Variants in CFAP54 observed in about 807,000 individuals in gnomAD.
The protein encoded by CFAP54 is cilia and flagella associated protein 54, also known as cilia- and flagella-associated protein 54.
A neutral mutation model predicts 370.4 loss-of-function variants in CFAP54; 290 were observed. The observed-to-expected ratio is 0.78, with a 90% CI of 0.71 to 0.86. The LOEUF is 0.86. Ranked by LOEUF, CFAP54 falls within the 40% of genes least tolerant of loss-of-function variation. CFAP54 has a pLI of 0.00. For synonymous variants in CFAP54, 1,206 were observed against 1,236.5 expected, an observed-to-expected ratio of 0.98 and a Z score of 0.52; for missense variants, 3,399 against 3,528.7, an observed-to-expected ratio of 0.96 and a Z score of 0.93.
rs10537908 is a variant in CFAP54 at position 96,863,153 on chromosome 12, TTGGATGGATGGA to T, written c.*14+2235_*14+2246del. ...TACCTGGCACATAGGTCTATATTTG[TTGGATGGATGGA>T]TGGATGGATGGATGGATGGATGGAT... On this transcript the variant is annotated intron_variant, in intron 67 of 67. Coordinates refer to ENST00000524981, the MANE Select transcript of CFAP54 (RefSeq NM_001306084.2). Among the ~76,000 whole-genome samples, 87 of 148,244 alleles carry T rather than the reference TTGGATGGATGGA, an allele frequency of 5.9e-4. 1 individual carries two copies. The highest frequency in any genetic ancestry group is 8.1e-4 in the East Asian group (4 of 4,950).
chr12:96,509,919 G>A (rs914523652), intron 4 of CFAP54, among the ~76,000 whole-genome samples: 1 of 151,952 alleles, frequency 6.6e-6, no homozygotes. Context: ...TTATTTTGAT[G>A]GTGGCCATTT....
At chr12:96,777,349 CTT>C (rs200690074) in intron 60 of CFAP54, among the ~76,000 whole-genome samples, 19 of 143,434 alleles carry the variant, frequency 1.3e-4, no homozygotes, top group East Asian at 2.0e-4. Context: ...CAAGGATATT[CTT>C]TTTTTTTTTT....
chr12:96,556,943 A>G (rs573864474), intron 17 of CFAP54, among the ~76,000 whole-genome samples: 4 of 152,286 alleles, frequency 2.6e-5, no homozygotes, highest in African/African-American at 7.2e-5. Flanking sequence ...TGGAAAAATA[A>G]CTAATGGTAC....
intron 22 of CFAP54, 128 bp from the exon 23 acceptor site, chr12:96,589,299 T>G: frequency 1.3e-6 from 1 of 743,360 alleles, no homozygotes; most frequent in Non-Finnish European, 2.1e-6. Context: ...TGTGAATGAT[T>G]GTATCTGAAA....
rs1960287806 is a variant in CFAP54, at chr12:96,875,517, A to G, written c.*414A>G. On this transcript the variant is annotated 3_prime_UTR_variant, in exon 68 of 68. Transcript: ENST00000524981. ...CTCTCCTGCGTTTTGAAAAGAATTA[A>G]TTCTCAAGTAGATTAAAACTACATT... 6.6e-6 allele frequency: 1 copy of G among 152,160 alleles called. No individual in the cohort carries two copies. Among genetic ancestry groups the G allele is most frequent in the Non-Finnish European group, 1.5e-5 (1 of 68,040 alleles). The allele number at this position is 152,160 out of a possible 1,614,324, so 9.4% of individuals were successfully genotyped here. A position where few individuals can be genotyped will look rare whatever the true frequency, so the allele number is the denominator to read the frequency against.
intron 62 of CFAP54, 147 bp downstream of exon 62, chr12:96,787,045 T>C (rs763393046): frequency 3.1e-6 from 2 of 650,906 alleles, no homozygotes; most frequent in South Asian, 4.1e-5. Flanking sequence ...TGTTACCATG[T>C]GGATAGGCTA....
intron 26 of CFAP54, among the ~76,000 whole-genome samples, chr12:96,608,287 T>C (rs1956320777): frequency 7.3e-6 from 1 of 137,730 alleles, no homozygotes; most frequent in African/African-American, 2.8e-5. Flanking sequence ...TGGTTGTGCA[T>C]TTTATATATG....
intron 47 of CFAP54, among the ~76,000 whole-genome samples, chr12:96,706,040 A>G (rs1328978146): frequency 6.6e-6 from 1 of 152,102 alleles, no homozygotes; most frequent in Admixed American, 6.5e-5. Flanking sequence ...CAACAACAAA[A>G]TCAAGAGCCT....
At chr12:96,781,087 A>G (rs968796000) in intron 60 of CFAP54, among the ~76,000 whole-genome samples, 3 of 152,152 alleles carry the variant, frequency 2.0e-5, no homozygotes, top group Non-Finnish European at 2.9e-5. Context: ...AAGGGCCCTC[A>G]GTATTGCCAG....
intron 66 of CFAP54, among the ~76,000 whole-genome samples, chr12:96,857,609 A>G (rs1356680346): frequency 1.3e-5 from 2 of 152,074 alleles, no homozygotes; most frequent in South Asian, 2.1e-4. Flanking sequence ...TCTCATCTCA[A>G]ATTGTAATTC....
chr12:96,705,435 A>G (rs1002400279), intron 47 of CFAP54, among the ~76,000 whole-genome samples: 2 of 151,202 alleles, frequency 1.3e-5, no homozygotes, highest in Admixed American at 1.3e-4. Context: ...TTTTTTTCCT[A>G]AAAATTTGTT....
At chr12:96,664,745 A>ATATATATC (rs1565934356) in intron 39 of CFAP54, among the ~76,000 whole-genome samples, 7 of 20,986 alleles carry the variant, frequency 3.3e-4, no homozygotes, top group Admixed American at 5.8e-4. Flanking sequence ...ATATCTATAT[A>ATATATATC]TATATATATC....
intron 26 of CFAP54, among the ~76,000 whole-genome samples, chr12:96,610,224 A>C (rs1255754290): frequency 6.6e-6 from 1 of 152,262 alleles, no homozygotes; most frequent in African/African-American, 2.4e-5. Flanking sequence ...GTGTTATAAT[A>C]GTTTATTTAA....
chr12:96,624,704 A>G (rs1418410244), intron 28 of CFAP54, among the ~76,000 whole-genome samples: 1 of 152,184 alleles, frequency 6.6e-6, no homozygotes, highest in Non-Finnish European at 1.5e-5. Context: ...GCCTTTGGGG[A>G]TGAGGCTACA....
intron 11 of CFAP54, 102 bp downstream of exon 11, chr12:96,534,329 T>A (rs571484587): frequency 1.5e-6 from 1 of 683,244 alleles, no homozygotes; most frequent in South Asian, 2.2e-5. Context: ...GAGCAAGAGG[T>A]ACAAAGGCCC....
chr12:96,640,779 A>G (rs1192352408), intron 32 of CFAP54, among the ~76,000 whole-genome samples: 1 of 152,222 alleles, frequency 6.6e-6, no homozygotes. Flanking sequence ...CCACATATCT[A>G]CAGCTATCTG....
intron 60 of CFAP54, among the ~76,000 whole-genome samples, chr12:96,767,747 T>TAAA (rs1210491778): frequency 1.3e-5 from 2 of 152,112 alleles, no homozygotes; most frequent in African/African-American, 2.4e-5. Flanking sequence ...CAAAATTCCT[T>TAAA]AACAACAACA....
At chr12:96,710,506 T>C (rs1169090915) in intron 48 of CFAP54, among the ~76,000 whole-genome samples, 3 of 151,878 alleles carry the variant, frequency 2.0e-5, no homozygotes, top group African/African-American at 7.3e-5. Context: ...AGGGGAAGGG[T>C]GGCCTGGGGT....
At chr12:96,793,902 AT>A (rs35913979) in intron 63 of CFAP54, among the ~76,000 whole-genome samples, 78,763 of 151,590 alleles carry the variant, frequency 0.52, 20,738 homozygotes, top group South Asian at 0.64. Context: ...TTTTGATGGG[AT>A]TTTTTTCTAT....
Sources: gnomAD v4.1 joint callset for allele counts (sites outside exome capture counted in the v4.1 genomes callset) on GRCh38, gnomAD v4.1.1 for gene constraint, MANE v1.5 for transcripts, NCBI Gene and HGNC (gene_info 2026-07-23, HGNC 2026-07-21) for gene names.